ATXN7L1: variants seen among roughly 807,000 people sequenced by gnomAD.
ATXN7L1 encodes the protein ataxin-7-like protein 1.
ATXN7L1 carries 15 observed loss-of-function variants against 70.8 expected under a neutral mutation model. That is an observed-to-expected ratio of 0.21 (90% confidence interval 0.14 to 0.33). ATXN7L1 has a LOEUF of 0.33. ATXN7L1 is among the 10% of genes least tolerant of loss of function. ATXN7L1 has a pLI of 1.00. For synonymous variants in ATXN7L1, 440 were observed against 445.1 expected, an observed-to-expected ratio of 0.99 and a Z score of 0.14; for missense variants, 975 against 1,097.1, an observed-to-expected ratio of 0.89 and a Z score of 1.57.
chr7:105,716,095 G>A (rs568975004), intron 3 of ATXN7L1, among the ~76,000 whole-genome samples: 1 of 152,244 alleles, frequency 6.6e-6, no homozygotes, highest in South Asian at 2.1e-4. Flanking sequence ...TAAGTCATCT[G>A]AGGCCACATC....
chr7:105,865,644 G>A (rs11983378), intron 2 of ATXN7L1, among the ~76,000 whole-genome samples: 2,220 of 152,098 alleles, frequency 0.015, 53 homozygotes, highest in African/African-American at 0.051. Flanking sequence ...CTCGTGATCT[G>A]CCCACCTTGG....
intron 2 of ATXN7L1, among the ~76,000 whole-genome samples, chr7:105,850,741 C>T (rs1814755078): frequency 6.6e-6 from 1 of 152,138 alleles, no homozygotes; most frequent in African/African-American, 2.4e-5. Flanking sequence ...GAAAGTGATC[C>T]TCACTTGCCT....
At chr7:105,679,920 T>G (rs886434957) in intron 3 of ATXN7L1, among the ~76,000 whole-genome samples, 9 of 151,730 alleles carry the variant, frequency 5.9e-5, no homozygotes, top group Non-Finnish European at 1.3e-4. Flanking sequence ...AAATTTCACC[T>G]CAATTAAAAA....
chr7:105,717,640 A>G (rs547713749), intron 3 of ATXN7L1, among the ~76,000 whole-genome samples: 2 of 152,210 alleles, frequency 1.3e-5, no homozygotes, highest in Non-Finnish European at 2.9e-5. Context: ...CAAATGCCCA[A>G]CATGAAGGGA....
At chr7:105,643,397 C>T (rs1043848324) in intron 4 of ATXN7L1, among the ~76,000 whole-genome samples, 1 of 152,186 alleles carries the variant, frequency 6.6e-6, no homozygotes, top group Non-Finnish European at 1.5e-5. Flanking sequence ...TGCAACTCCC[C>T]ACTTCCCGGG....
chr7:105,872,938 A>C (rs1472985291), intron 2 of ATXN7L1, among the ~76,000 whole-genome samples: 1 of 151,850 alleles, frequency 6.6e-6, no homozygotes, highest in Non-Finnish European at 1.5e-5. Context: ...GTGGATCACG[A>C]GGTCAGGAGA....
intron 3 of ATXN7L1, among the ~76,000 whole-genome samples, chr7:105,705,804 TC>T (rs1404903556): frequency 6.6e-6 from 1 of 152,210 alleles, no homozygotes; most frequent in Non-Finnish European, 1.5e-5. Flanking sequence ...CTTAGGAGAT[TC>T]CCTGCTATCC....
intron 3 of ATXN7L1, among the ~76,000 whole-genome samples, chr7:105,709,924 G>A (rs982953232): frequency 6.6e-6 from 1 of 151,784 alleles, no homozygotes; most frequent in Admixed American, 6.5e-5. Context: ...ACAGACTGGA[G>A]TGCAGTGGTG....
intron 7 of ATXN7L1, among the ~76,000 whole-genome samples, chr7:105,632,614 T>G (rs1796754872): frequency 6.6e-6 from 1 of 151,998 alleles, no homozygotes; most frequent in Non-Finnish European, 1.5e-5. Flanking sequence ...GTATGATGAA[T>G]GAAAATGAGC....
chr7:105,723,615 T>C (rs922450665), intron 3 of ATXN7L1, among the ~76,000 whole-genome samples: 5 of 152,276 alleles, frequency 3.3e-5, no homozygotes, highest in African/African-American at 9.6e-5. Flanking sequence ...CTGCCCACCC[T>C]GCTCCTGGCC....
At chr7:105,642,285 C>T (rs1457773691) in intron 5 of ATXN7L1, among the ~76,000 whole-genome samples, 4 of 152,212 alleles carry the variant, frequency 2.6e-5, no homozygotes, top group Admixed American at 2.6e-4. Flanking sequence ...CCTACTGTTC[C>T]TGTTTGGGAA....
intron 3 of ATXN7L1, among the ~76,000 whole-genome samples, chr7:105,709,877 C>CTTTT (rs61680542): frequency 5.5e-5 from 8 of 146,430 alleles, no homozygotes; most frequent in African/African-American, 1.7e-4. Flanking sequence ...GCTTGCTTTG[C>CTTTT]TTTTTTTTTT....
At chr7:105,689,272 G>A (rs1469798127) in intron 3 of ATXN7L1, among the ~76,000 whole-genome samples, 5 of 152,170 alleles carry the variant, frequency 3.3e-5, no homozygotes, top group Non-Finnish European at 7.3e-5. Context: ...TGGGGTGGAG[G>A]GAAGAATCAA....
intron 2 of ATXN7L1, among the ~76,000 whole-genome samples, chr7:105,827,246 G>A (rs1442121755): frequency 2.6e-5 from 4 of 152,194 alleles, no homozygotes; most frequent in Non-Finnish European, 5.9e-5. Flanking sequence ...AAAACAAACA[G>A]CAAACTTCCT....
chr7:105,741,170 G>A (rs1336944744), intron 3 of ATXN7L1, among the ~76,000 whole-genome samples: 3 of 152,140 alleles, frequency 2.0e-5, no homozygotes, highest in African/African-American at 7.2e-5. Context: ...GATGTGCGGA[G>A]GCTCAGCTCT....
intron 2 of ATXN7L1, among the ~76,000 whole-genome samples, chr7:105,812,926 T>A (rs1297031471): frequency 5.3e-5 from 8 of 152,098 alleles, no homozygotes; most frequent in Non-Finnish European, 5.9e-5. Context: ...TATCTAAGCC[T>A]GGGAGGTCAA....
In ATXN7L1 at chr7:105,660,696, C is replaced by T. The variant is rs145813023; in HGVS notation, c.578+4370G>A. The stretch of plus-strand genomic sequence containing the variant: ...CTCCAGGGTTCAAGCGATTCTCCTG[C>T]CTCATCCTCCCAAGTAGCTGGGATT... On this transcript the variant is annotated intron_variant, in intron 4 of 11. Transcript: ENST00000419735. 4.1e-4 allele frequency among the ~76,000 whole-genome samples: 61 copies of T among 149,692 alleles called. 1 individual carries two copies. The East Asian group carries it at 0.012, about 28-fold the overall frequency.
chr7:105,798,946 T>C (rs1263129950), intron 2 of ATXN7L1, among the ~76,000 whole-genome samples: 2 of 152,220 alleles, frequency 1.3e-5, no homozygotes, highest in Non-Finnish European at 2.9e-5. Flanking sequence ...ACTAGAACAA[T>C]GATGAGAAAC....
At chr7:105,687,480 T>G (rs1790083645) in intron 3 of ATXN7L1, among the ~76,000 whole-genome samples, 1 of 152,058 alleles carries the variant, frequency 6.6e-6, no homozygotes, top group Non-Finnish European at 1.5e-5. Flanking sequence ...ATGGCACAAG[T>G]CCAGAGGGTG....
Sources: allele counts gnomAD v4.1 joint callset (sites outside exome capture counted in the v4.1 genomes callset), GRCh38; gene constraint gnomAD v4.1.1; transcripts MANE v1.5; gene names NCBI Gene and HGNC (gene_info 2026-07-23, HGNC 2026-07-21).